Variants in TRIM37 observed in about 807,000 individuals in gnomAD.
TRIM37 encodes E3 ubiquitin-protein ligase TRIM37.
A neutral mutation model predicts 129.8 loss-of-function variants in TRIM37; 80 were observed. That is an observed-to-expected ratio of 0.62 (90% CI 0.51 to 0.74). The LOEUF (loss-of-function observed/expected upper bound fraction) is 0.74. TRIM37 is among the 30% of genes least tolerant of loss of function. The probability of loss-of-function intolerance (pLI) is 0.00; values close to 1 mark genes in which losing one functional copy is unlikely to be tolerated. For synonymous variants in TRIM37, 389 were observed against 387.1 expected (o/e 1.00, Z -0.06); for missense variants, 1,054 against 1,176.5 (o/e 0.90, Z 1.52).
chr17:59,002,140 A>G (rs2033859592), intron 22 of TRIM37, among the ~76,000 whole-genome samples: 1 of 152,156 alleles, frequency 6.6e-6, no homozygotes, highest in African/African-American at 2.4e-5. Context: ...ACAAATCCAC[A>G]TGGTGTATGA....
chr17:58,967,506 A>G, the TRIM37 span, among the ~76,000 whole-genome samples: 26 of 147,260 alleles, frequency 1.8e-4, no homozygotes, highest in South Asian at 4.3e-4. Context: ...ATATATGTGT[A>G]TATATATATA....
At chr17:59,027,879 A>C (rs1055646701) in intron 19 of TRIM37, among the ~76,000 whole-genome samples, 16 of 152,042 alleles carry the variant, frequency 1.1e-4, no homozygotes, top group African/African-American at 3.9e-4. Flanking sequence ...CAATCCTTCA[A>C]ATACGCAAAA....
At chr17:58,993,175 G>A (rs146435993) in intron 24 of TRIM37, among the ~76,000 whole-genome samples, 27 of 152,272 alleles carry the variant, frequency 1.8e-4, no homozygotes, top group African/African-American at 5.1e-4. Context: ...CATGAGATGT[G>A]CCTTTTACCT....
the TRIM37 span, chr17:58,972,025 TAATAG>T: frequency 1.5e-5 from 16 of 1,051,136 alleles, no homozygotes; most frequent in African/African-American, 2.4e-4. Flanking sequence ...ATTCCATTAT[TAATAG>T]TATAGCTCCC....
chr17:59,075,556 TC>T (rs2042739592), intron 8 of TRIM37, 90 bp downstream of exon 8: 1 of 740,698 alleles, frequency 1.4e-6, no homozygotes, highest in East Asian at 3.3e-5. Context: ...AGAGAGAGAC[TC>T]CATCTCAAAA....
At chr17:58,991,484 C>T (rs2032402420) in intron 24 of TRIM37, among the ~76,000 whole-genome samples, 3 of 151,552 alleles carry the variant, frequency 2.0e-5, no homozygotes, top group East Asian at 1.9e-4. Context: ...TCCAGTGAGC[C>T]GAGATAAAAA....
At chr17:58,976,603 G>A in the TRIM37 span, among the ~76,000 whole-genome samples, 1 of 152,194 alleles carries the variant, frequency 6.6e-6, no homozygotes, top group Non-Finnish European at 1.5e-5. Context: ...GGCATGATAT[G>A]TTTCCTAACA....
intron 22 of TRIM37, among the ~76,000 whole-genome samples, chr17:59,010,080 A>G (rs1171098134): frequency 6.6e-6 from 1 of 152,166 alleles, no homozygotes; most frequent in Non-Finnish European, 1.5e-5. Flanking sequence ...CATACCTAGC[A>G]TACCTGAGAG....
intron 3 of TRIM37, among the ~76,000 whole-genome samples, chr17:59,089,446 T>G (rs778461335): frequency 1.2e-4 from 18 of 152,064 alleles, no homozygotes; most frequent in African/African-American, 1.9e-4. Context: ...ATCAAGACCA[T>G]CCTGGCCAAC....
downstream of TRIM37, among the ~76,000 whole-genome samples, chr17:58,996,423 T>C (rs2033000141): frequency 6.7e-6 from 1 of 148,282 alleles, no homozygotes; most frequent in South Asian, 2.1e-4. Context: ...TCAGCTGAGA[T>C]CATGCCACTG....
rs949476456 is a variant in TRIM37 at position 59,008,268 on chromosome 17, G to T, written c.2695+4060C>A. 3.3e-5 allele frequency among the ~76,000 whole-genome samples: 5 copies of T among 152,266 alleles called. No homozygotes were observed. In the East Asian group the frequency reaches 9.6e-4, roughly 29 times the overall value. ...TGTACTTCTGTGTCCCTGTTGATTT[G>T]CACATTCACAGCAATTTTTCTTATT... On this transcript the variant is annotated intron_variant, in intron 22 of 23. Coordinates refer to ENST00000262294, the MANE Select transcript of TRIM37 (RefSeq NM_015294.6).
At position 58,998,502 on chromosome 17, in the gene TRIM37, A is replaced by G. The variant is rs926744685; in HGVS notation, c.*875T>C. On this transcript the variant is annotated 3_prime_UTR_variant, in exon 24 of 24. Transcript: ENST00000262294. ...AATTATGAGTATGAAAGAAAACCTT[A>G]TATCACAGTTTCACGTTCATGTAAG... is the stretch of plus-strand genomic sequence containing the variant. 5 of 985,310 alleles carry G rather than the reference A, an allele frequency of 5.1e-6. No homozygotes were observed. Among genetic ancestry groups the G allele is most frequent in the African/African-American group, 1.7e-5 (1 of 57,252 alleles). 61.0% of individuals were successfully genotyped at this position (985,310 alleles called of 1,614,324 possible). A position where few individuals can be genotyped will look rare whatever the true frequency, so the allele number is the denominator to read the frequency against.
downstream of TRIM37, chr17:58,979,958 A>C: frequency 1.3e-6 from 2 of 1,599,462 alleles, no homozygotes; most frequent in Non-Finnish European, 1.7e-6. Context: ...ATGCCCCTAC[A>C]CTCTGCTTCC....
chr17:59,000,835 T>C (rs185121873), intron 23 of TRIM37, among the ~76,000 whole-genome samples: 25 of 152,220 alleles, frequency 1.6e-4, no homozygotes, highest in African/African-American at 5.1e-4. Context: ...TCCCCAGGGA[T>C]TGGCAATCAT....
Position 59,106,831 on chromosome 17 carries a change from A to C in TRIM37, c.-370T>G. ...AGAAGGTGCCGCAGAGAATTCGCAAACACCAACCGTAACCAGAGCAGCTGG... is the reference window on the plus strand; with the variant it reads ...AGAAGGTGCCGCAGAGAATTCGCAACCACCAACCGTAACCAGAGCAGCTGG... On this transcript the variant is annotated 5_prime_UTR_variant, in exon 1 of 24. Coordinates refer to ENST00000262294, the MANE Select transcript of TRIM37 (RefSeq NM_015294.6). 1 of 441,186 alleles carries C rather than the reference A, an allele frequency of 2.3e-6. No individual in the cohort carries two copies. The highest frequency in any genetic ancestry group is 4.7e-5 in the East Asian group (1 of 21,398). 27.3% of individuals were successfully genotyped at this position (441,186 alleles called of 1,614,324 possible).
At chr17:59,019,656 C>T (rs1006172798) in intron 19 of TRIM37, among the ~76,000 whole-genome samples, 4 of 151,524 alleles carry the variant, frequency 2.6e-5, no homozygotes, top group Admixed American at 6.6e-5. Context: ...TGCAGTGAGC[C>T]GAGATTGTGC....
chr17:59,071,651 A>C (rs1429065791), intron 8 of TRIM37, among the ~76,000 whole-genome samples: 2 of 152,148 alleles, frequency 1.3e-5, no homozygotes, highest in Non-Finnish European at 2.9e-5. Flanking sequence ...AAACGTACAC[A>C]CATACACCCG....
chr17:59,025,853 T>C (rs1195203385), intron 19 of TRIM37, among the ~76,000 whole-genome samples: 1 of 152,344 alleles, frequency 6.6e-6, no homozygotes, highest in East Asian at 1.9e-4. Context: ...TTTGGTTTAA[T>C]ATACCATTTC....
chr17:59,106,325 G>C, intron 1 of TRIM37, 116 bp downstream of exon 1: 4 of 1,236,780 alleles, frequency 3.2e-6, no homozygotes, highest in Non-Finnish European at 4.7e-6. Context: ...TCTCCACAGC[G>C]GCAGGGGCGG....
Sources: gnomAD v4.1 joint callset for allele counts (sites outside exome capture counted in the v4.1 genomes callset) on GRCh38, gnomAD v4.1.1 for gene constraint, MANE v1.5 for transcripts, NCBI Gene and HGNC (gene_info 2026-07-23, HGNC 2026-07-21) for gene names.